The following CST8 variants were observed in gnomAD, a reference collection of about 807,000 sequenced individuals.
CST8 encodes cystatin 8.
In CST8, 20 loss-of-function variants were observed where a neutral mutation model predicts 11.8. The ratio of observed to expected loss-of-function variants is 1.70; its 90% CI spans 1.20 to 2.47. CST8 has a LOEUF of 2.47. Among genes scored for constraint, CST8 ranks in the 30% most tolerant of loss-of-function variants. The pLI is 0.00. For synonymous variants in CST8, 77 were observed against 63.1 expected, an observed-to-expected ratio of 1.22 and a Z score of -1.05; for missense variants, 196 against 167.2, an observed-to-expected ratio of 1.17 and a Z score of -0.95.
At position 23,495,820 on chromosome 20, in the gene CST8, A is replaced by G. The variant is rs1231392246; in HGVS notation, c.346-11A>G. On this transcript the variant is annotated splice_polypyrimidine_tract_variant and intron_variant, in intron 3 of 3. Transcript: ENST00000246012. ...CACTCTACTAATTTTTGTTGTTGTC[A>G]TCTTTTTCAGAAATTAAGCTGCAGC... The G allele has an allele frequency of 6.0e-5, 92 of 1,531,650 alleles. No individual in the cohort carries two copies. The highest frequency in any genetic ancestry group is 8.0e-5 in the Non-Finnish European group (91 of 1,140,378). 94.9% of individuals were successfully genotyped at this position (1,531,650 alleles called of 1,614,324 possible). A position where few individuals can be genotyped will look rare whatever the true frequency, so the allele number is the denominator to read the frequency against.
At chr20:23,497,584 TG>T (rs1988080570), downstream of CST8, among the ~76,000 whole-genome samples, 1 of 152,216 alleles carries the variant, frequency 6.6e-6, no homozygotes, top group Non-Finnish European at 1.5e-5. Context: ...TACCTGATAC[TG>T]GGTAATTTAC....
chr20:23,497,170 T>C (rs529544974), downstream of CST8, among the ~76,000 whole-genome samples: 38 of 152,340 alleles, frequency 2.5e-4, no homozygotes, highest in African/African-American at 7.9e-4. Context: ...TGTTCAGAGA[T>C]TGCAGTAAAG....
At position 23,491,205 on chromosome 20, in the gene CST8, G is replaced by C. The variant is rs1039084582; in HGVS notation, c.-281G>C. The C allele has an allele frequency of 5.8e-6, 1 of 171,672 alleles. No individual in the cohort carries two copies. 10.6% of individuals were successfully genotyped at this position (171,672 alleles called of 1,614,324 possible). ...TCAGGTCAGCTCCCAGCTCCACAGGGAGTAAGAAGGAGCTGCAGGCACAGC... is the reference window on the plus strand; with the variant it reads ...TCAGGTCAGCTCCCAGCTCCACAGGCAGTAAGAAGGAGCTGCAGGCACAGC... On this transcript the variant is annotated 5_prime_UTR_variant, in exon 1 of 4. Coordinates refer to ENST00000246012, the MANE Select transcript of CST8 (RefSeq NM_005492.4).
Position 23,491,605 on chromosome 20 carries a change from C to T in CST8, c.-63C>T, listed in dbSNP as rs922654958. ...CAGCAGCTGCGGCCACCCCATCCTG[C>T]CCACAGCTCCAGCCCTGAGACGACG... On this transcript the variant is annotated 5_prime_UTR_variant, in exon 2 of 4. Coordinates refer to ENST00000246012, the MANE Select transcript of CST8 (RefSeq NM_005492.4). 1 of 1,313,882 alleles carries T rather than the reference C, an allele frequency of 7.6e-7. No individual in the cohort carries two copies. Among genetic ancestry groups the T allele is most frequent in the African/African-American group, 1.5e-5 (1 of 68,592 alleles). 81.4% of individuals were successfully genotyped at this position (1,313,882 alleles called of 1,614,324 possible). A position where few individuals can be genotyped will look rare whatever the true frequency, so the allele number is the denominator to read the frequency against.
chr20:23,491,479 A>T lies in CST8; in HGVS notation c.-143-46A>T, dbSNP rs909380038. 20 of 597,838 alleles carry T rather than the reference A, an allele frequency of 3.3e-5. No individual in the cohort carries two copies. The East Asian group carries it at 3.9e-4, about 12-fold the overall frequency. 37.0% of individuals were successfully genotyped at this position (597,838 alleles called of 1,614,324 possible). A position where few individuals can be genotyped will look rare whatever the true frequency, so the allele number is the denominator to read the frequency against. ...TGGGTGGGTTTCCATGGAGAAAGAGAGGACAAACCCCAAAGAGTGACCCTA... is the reference window on the plus strand; with the variant it reads ...TGGGTGGGTTTCCATGGAGAAAGAGTGGACAAACCCCAAAGAGTGACCCTA... On this transcript the variant is annotated intron_variant, in intron 1 of 3. Coordinates refer to ENST00000246012, the MANE Select transcript of CST8 (RefSeq NM_005492.4).
chr20:23,506,473 G>T, the CST8 span, among the ~76,000 whole-genome samples: 3 of 152,032 alleles, frequency 2.0e-5, no homozygotes, highest in Non-Finnish European at 4.4e-5. Context: ...AGGATTCCAT[G>T]GTTATAGGAT....
chr20:23,496,877 A>C (rs1988059193), downstream of CST8, among the ~76,000 whole-genome samples: 1 of 152,226 alleles, frequency 6.6e-6, no homozygotes, highest in Non-Finnish European at 1.5e-5. Context: ...TGTTCTGCCC[A>C]GCTCACAGGT....
chr20:23,496,058 G>A, downstream of CST8: 1 of 643,800 alleles, frequency 1.6e-6, no homozygotes, highest in Non-Finnish European at 2.7e-6. Flanking sequence ...CATATATGTG[G>A]GGACAGAAGA....
At chr20:23,493,363 A>G (rs1435748739) in intron 3 of CST8, among the ~76,000 whole-genome samples, 1 of 152,120 alleles carries the variant, frequency 6.6e-6, no homozygotes, top group Non-Finnish European at 1.5e-5. Flanking sequence ...ACAACACATA[A>G]TCACCAAAAG....
chr20:23,499,479 T>C (rs1213244513), downstream of CST8, among the ~76,000 whole-genome samples: 1 of 152,190 alleles, frequency 6.6e-6, no homozygotes, highest in African/African-American at 2.4e-5. Flanking sequence ...TTTCCAGAAA[T>C]GAGCCCACTG....
rs781038519 is a variant in CST8, at chr20:23,495,845, C to A, written c.360C>A (p.Ser120Arg). 3.1e-6 allele frequency: 5 copies of A among 1,602,710 alleles called. No homozygotes were observed. The highest frequency in any genetic ancestry group is 3.4e-6 in the Non-Finnish European group (4 of 1,176,450). Residue 120 changes from serine to arginine, a missense_variant, in exon 4 of 4, where the codon AGC (serine) becomes AGA (arginine). Transcript: ENST00000246012. ...ATCTTTTTCAGAAATTAAGCTGCAG[C>A]TTTTTGGTAGGAGCACTTCCCTGGA... ...NSKLKRKLSC[S>R]FLVGALPWNG...
chr20:23,500,721 C>T (rs1039852722), downstream of CST8, among the ~76,000 whole-genome samples: 6 of 140,426 alleles, frequency 4.3e-5, no homozygotes, highest in Admixed American at 3.8e-4. Flanking sequence ...CAGTGCCCTC[C>T]GCTGATTCTT....
At chr20:23,497,195 T>G (rs148739959), downstream of CST8, among the ~76,000 whole-genome samples, 13 of 152,328 alleles carry the variant, frequency 8.5e-5, no homozygotes, top group East Asian at 2.5e-3. Context: ...GCATAAGAAA[T>G]TATAACAGTA....
intron 3 of CST8, 68 bp downstream of exon 3, chr20:23,493,139 C>A: frequency 2.1e-6 from 2 of 968,418 alleles, no homozygotes. Context: ...AGCTGAGGCA[C>A]GCAGACCTTC....
Position 23,491,909 on chromosome 20 carries a change from C to T in CST8, c.231+11C>T. On this transcript the variant is annotated intron_variant, in intron 2 of 3. Transcript: ENST00000246012. Reference sequence around the variant, plus strand: ...CAAGCCCAGCTTCAGGTAAAGGTGTCTTTCCATATAGGTGGACATTTGCAT... The same window carrying T: ...CAAGCCCAGCTTCAGGTAAAGGTGTTTTTCCATATAGGTGGACATTTGCAT... 1 of 1,602,440 alleles carries T rather than the reference C, an allele frequency of 6.2e-7. No individual in the cohort carries two copies.
downstream of CST8, among the ~76,000 whole-genome samples, chr20:23,499,720 C>A (rs116771171): frequency 6.6e-6 from 1 of 152,318 alleles, no homozygotes; most frequent in African/African-American, 2.4e-5. Context: ...GCCTGTCCAC[C>A]TGGCGACCAG....
At position 23,493,178 on chromosome 20, in the gene CST8, T is replaced by C. The variant is rs1366036238; in HGVS notation, c.345+107T>C. ...TTGAGGTCTGGGTGGCTCCCAGTGT[T>C]TAGCCCCAGATAGCCAACCCTGTGG... is the stretch of plus-strand genomic sequence containing the variant. On this transcript the variant is annotated intron_variant, in intron 3 of 3. Transcript: ENST00000246012. 16 of 753,894 alleles carry C rather than the reference T, an allele frequency of 2.1e-5. No individual in the cohort carries two copies. In the East Asian group the frequency reaches 4.0e-4, roughly 19 times the overall value. 46.7% of individuals were successfully genotyped at this position (753,894 alleles called of 1,614,324 possible). A position where few individuals can be genotyped will look rare whatever the true frequency, so the allele number is the denominator to read the frequency against.
the CST8 span, among the ~76,000 whole-genome samples, chr20:23,505,487 T>C: frequency 2.0e-5 from 3 of 150,850 alleles, no homozygotes; most frequent in Non-Finnish European, 4.4e-5. Flanking sequence ...GACAAAGATA[T>C]ATGGAACAAC....
At chr20:23,494,165 C>T (rs1987971796) in intron 3 of CST8, among the ~76,000 whole-genome samples, 1 of 152,174 alleles carries the variant, frequency 6.6e-6, no homozygotes, top group Admixed American at 6.5e-5. Context: ...TGTCCGAATG[C>T]TATCTGATCT....
Sources: gnomAD v4.1 joint callset for allele counts (sites outside exome capture counted in the v4.1 genomes callset) on GRCh38, gnomAD v4.1.1 for gene constraint, MANE v1.5 for transcripts, NCBI Gene and HGNC (gene_info 2026-07-23, HGNC 2026-07-21) for gene names.